Variants in KMT5B observed in about 807,000 individuals in gnomAD.
The protein encoded by KMT5B is lysine methyltransferase 5B.
Under a neutral mutation model 83.2 loss-of-function variants are expected in KMT5B, and 10 were observed. That is an observed-to-expected ratio of 0.12 (90% CI 0.07 to 0.20). The LOEUF is 0.20. Among genes scored for constraint, KMT5B ranks in the 10% least tolerant of loss-of-function variants. The pLI is 1.00. For missense variants in KMT5B, 753 were observed against 1,067.2 expected, an observed-to-expected ratio of 0.71 and a Z score of 4.10; for synonymous variants, 349 against 388.8, an observed-to-expected ratio of 0.90 and a Z score of 1.20.
At chr11:68,177,894 T>C (rs1200105200) in intron 4 of KMT5B, among the ~76,000 whole-genome samples, 1 of 152,198 alleles carries the variant, frequency 6.6e-6, no homozygotes, top group African/African-American at 2.4e-5. Context: ...TGTGTCAAGA[T>C]ACCATCTCCA....
Position 68,171,704 on chromosome 11 carries a change from C to T in KMT5B, c.659G>A (p.Arg220Gln), listed in dbSNP as rs1164268086. The T allele has an allele frequency of 3.1e-6, 5 of 1,609,702 alleles. No homozygotes were observed. Among genetic ancestry groups the T allele is most frequent in the Non-Finnish European group, 4.2e-6 (5 of 1,177,698 alleles). The change falls in exon 7 of 11, where the codon CGA becomes CAA. Residue 220 changes from arginine to glutamine, a missense_variant. This residue lies in a region of KMT5B where 34 missense variants were observed against 172.5 expected (regional missense o/e 0.20). Transcript: ENST00000304363. This position sits in a 1 kb window ranked among gnomAD's most constrained non-coding sequence, Gnocchi z 5.1. Reference protein sequence around the residue: ...AKIVATKEWKRNDKIELLVGC... With the variant: ...AKIVATKEWKQNDKIELLVGC... The stretch of plus-strand genomic sequence containing the variant: ...CACCAGTAATTCTATTTTGTCATTT[C>T]GTTTCCTATTTAAAATATGTGATGT...
chr11:68,166,502 G>C, intron 10 of KMT5B: 1 of 1,002,906 alleles, frequency 1.0e-6, no homozygotes, highest in African/African-American at 1.7e-5. Flanking sequence ...AACTGAGTCA[G>C]TTCGTTTTGA....
At chr11:68,179,945 A>G (rs557239927) in intron 4 of KMT5B, 187 bp downstream of exon 4, 2 of 621,998 alleles carry the variant, frequency 3.2e-6, no homozygotes, top group East Asian at 6.0e-5. Flanking sequence ...TCTTAAAATC[A>G]CCCTGTTATG....
At chr11:68,187,194 C>T (rs184326484) in intron 2 of KMT5B, among the ~76,000 whole-genome samples, 4 of 151,940 alleles carry the variant, frequency 2.6e-5, no homozygotes, top group Admixed American at 6.6e-5. Flanking sequence ...AGTGGGGTCT[C>T]GCCATATTGT....
At chr11:68,163,941 T>C (rs1239578241) in intron 10 of KMT5B, among the ~76,000 whole-genome samples, 1 of 152,316 alleles carries the variant, frequency 6.6e-6, no homozygotes, top group Non-Finnish European at 1.5e-5. Context: ...CTTCTGGGGC[T>C]TGTCCTGACT....
Position 68,171,460 on chromosome 11 carries a change from G to A in KMT5B, c.820+83C>T. On this transcript the variant is annotated intron_variant, in intron 7 of 10. Coordinates refer to ENST00000304363, the MANE Select transcript of KMT5B (RefSeq NM_017635.5). This position sits in a 1 kb window ranked among gnomAD's most constrained non-coding sequence, Gnocchi z 5.1. Reference sequence around the variant, plus strand: ...AATTCTCCTTTAAAGGAAGATAAAGGTTTGACTGAGGTTGACAAGGCCATT... The same window carrying A: ...AATTCTCCTTTAAAGGAAGATAAAGATTTGACTGAGGTTGACAAGGCCATT... 7.0e-7 allele frequency: 1 copy of A among 1,436,656 alleles called. No homozygotes were observed. Among genetic ancestry groups the A allele is most frequent in the East Asian group, 2.3e-5 (1 of 43,636 alleles). 89.0% of individuals were successfully genotyped at this position (1,436,656 alleles called of 1,614,324 possible). A position where few individuals can be genotyped will look rare whatever the true frequency, so the allele number is the denominator to read the frequency against.
At chr11:68,211,613 T>C (rs2153095184) in intron 1 of KMT5B, among the ~76,000 whole-genome samples, 1 of 152,282 alleles carries the variant, frequency 6.6e-6, no homozygotes, top group East Asian at 1.9e-4. Flanking sequence ...GCGGACGAGA[T>C]AACAAGAGAC....
chr11:68,158,115 C>T lies in KMT5B; in HGVS notation c.2231G>A (p.Ser744Asn), dbSNP rs779572281. 8 of 1,614,182 alleles carry T rather than the reference C, an allele frequency of 5.0e-6. No individual in the cohort carries two copies. Among genetic ancestry groups the T allele is most frequent in the Non-Finnish European group, 6.8e-6 (8 of 1,180,038 alleles). ...GTCATGGTCTTTGCTTAACTTGATG[C>T]TTATTTTGGAAGAGTTCATTCCATC... ...ENDGMNSSKI[S>N]IKLSKDHDND... The change falls in exon 11 of 11, where the codon AGC (serine) becomes AAC (asparagine). Residue 744 changes from serine to asparagine, a missense_variant. Physicochemically the swap from Ser to Asn is conservative, Grantham distance 46. Around this residue, in one of 9 missense-constraint regions of KMT5B, gnomAD observed 161 missense variants for 195.1 expected, o/e 0.83. Coordinates refer to ENST00000304363, the MANE Select transcript of KMT5B (RefSeq NM_017635.5).
rs140303462 is a variant in KMT5B, at chr11:68,180,884, A to G, written c.309-684T>C. On this transcript the variant is annotated intron_variant, in intron 3 of 10. Coordinates refer to ENST00000304363, the MANE Select transcript of KMT5B (RefSeq NM_017635.5). The stretch of plus-strand genomic sequence containing the variant: ...AAAACTTTAGGTTTCATAATTGACA[A>G]AAGTCAATTAAGTTCAAATTTCTCC... Among the ~76,000 whole-genome samples the G allele has an allele frequency of 2.4e-4, 37 of 152,314 alleles. 1 individual carries two copies. Among genetic ancestry groups the G allele is most frequent in the African/African-American group, 8.2e-4 (34 of 41,574 alleles).
chr11:68,179,375 T>A, intron 4 of KMT5B: 1 of 1,153,420 alleles, frequency 8.7e-7, no homozygotes, highest in Non-Finnish European at 1.2e-6. Flanking sequence ...ACACTTCCAA[T>A]CAATGGCTGG....
Position 68,158,210 on chromosome 11 carries a change from G to C in KMT5B, c.2136C>G (p.Asn712Lys). 1 of 1,614,140 alleles carries C rather than the reference G, an allele frequency of 6.2e-7. No homozygotes were observed. The highest frequency in any genetic ancestry group is 8.5e-7 in the Non-Finnish European group (1 of 1,180,024). ...RYDAQLILEN[N>K]SGIPKLTLRR... is the part of the protein sequence containing the mutation. ...GAAGAGTCAATTTGGGAATCCCAGA[G>C]TTATTTTCTAGGATTAACTGTGCAT... Residue 712 changes from asparagine (N) to lysine (K), a missense_variant, in exon 11 of 11, where the codon AAC becomes AAG. Physicochemically the swap from Asn to Lys is moderately conservative, Grantham distance 94. This residue lies in a region of KMT5B where 12 missense variants were observed against 30.1 expected (regional missense o/e 0.40). Coordinates refer to ENST00000304363, the MANE Select transcript of KMT5B (RefSeq NM_017635.5).
intron 1 of KMT5B, among the ~76,000 whole-genome samples, chr11:68,205,145 C>CA (rs58389289): frequency 0.02 from 2,879 of 142,830 alleles, 34 homozygotes; most frequent in African/African-American, 0.039. Context: ...TCATCTCTAC[C>CA]AAAAAAAAAA....
chr11:68,205,228 G>A (rs1467681391), intron 1 of KMT5B, among the ~76,000 whole-genome samples: 2 of 152,114 alleles, frequency 1.3e-5, no homozygotes, highest in Non-Finnish European at 2.9e-5. Flanking sequence ...TGAGGCTGAA[G>A]GATCATGGGA....
chr11:68,159,246 C>T (rs1854649390), intron 10 of KMT5B, 75 bp from the exon 11 acceptor site: 2 of 1,493,336 alleles, frequency 1.3e-6, no homozygotes, highest in South Asian at 1.4e-5. Flanking sequence ...CAAACCCAGG[C>T]TATTAGCTAC....
At chr11:68,163,461 G>A (rs770413381) in intron 10 of KMT5B, among the ~76,000 whole-genome samples, 5 of 152,152 alleles carry the variant, frequency 3.3e-5, no homozygotes, top group Non-Finnish European at 7.3e-5. Flanking sequence ...ACGGGTAAAG[G>A]CCCCACTGCA....
At position 68,172,135 on chromosome 11, in the gene KMT5B, C is replaced by T. The variant is rs139906633; in HGVS notation, c.654-426G>A. Among the ~76,000 whole-genome samples, 253 of 152,304 alleles carry T rather than the reference C, an allele frequency of 1.7e-3. 1 individual carries two copies. The highest frequency in any genetic ancestry group is 2.9e-3 in the Admixed American group (45 of 15,300). ...GCCACTCTTTAGAGCACACCATCTG[C>T]TAGGAATATAATGCAAGCCAAATTT... On this transcript the variant is annotated intron_variant, in intron 6 of 10. Coordinates refer to ENST00000304363, the MANE Select transcript of KMT5B (RefSeq NM_017635.5).
chr11:68,183,175 G>A (rs1014699915), intron 3 of KMT5B, among the ~76,000 whole-genome samples: 15 of 150,668 alleles, frequency 1.0e-4, no homozygotes, highest in African/African-American at 3.7e-4. Context: ...AGACTACTGT[G>A]TCAAAGAGTG....
At chr11:68,200,368 C>T (rs374686127) in intron 1 of KMT5B, among the ~76,000 whole-genome samples, 4 of 152,144 alleles carry the variant, frequency 2.6e-5, no homozygotes, top group African/African-American at 9.7e-5. Context: ...ACTATAGGTG[C>T]CCAGTAAGCA....
chr11:68,179,967 G>GT (rs1174247272), intron 4 of KMT5B, 165 bp downstream of exon 4: 3 of 808,516 alleles, frequency 3.7e-6, no homozygotes, highest in Non-Finnish European at 5.6e-6. Context: ...AGTACAAGTG[G>GT]TTTTTTAAAA....
Sources: gnomAD v4.1 joint callset for allele counts (sites outside exome capture counted in the v4.1 genomes callset) on GRCh38, gnomAD v4.1.1 for gene constraint, gnomAD v4.1.1 regional missense constraint, Gnocchi (gnomAD v3.1) non-coding constraint, MANE v1.5 for transcripts, NCBI Gene and HGNC (gene_info 2026-07-23, HGNC 2026-07-21) for gene names.